Variants in BRD10 observed in about 807,000 individuals in gnomAD.
BRD10 encodes the protein uncharacterized bromodomain-containing protein 10.
the BRD10 span, among the ~76,000 whole-genome samples, chr9:5,971,311 G>C: frequency 1.3e-5 from 2 of 152,098 alleles, no homozygotes; most frequent in Non-Finnish European, 2.9e-5. Context: ...ATACACTGTA[G>C]GCAGTATAAT....
At chr9:5,983,900 G>A in the BRD10 span, among the ~76,000 whole-genome samples, 6 of 147,884 alleles carry the variant, frequency 4.1e-5, no homozygotes, top group Non-Finnish European at 5.9e-5. Flanking sequence ...AGTAAAACAC[G>A]TCATACTTAA....
At chr9:5,955,372 C>T in the BRD10 span, among the ~76,000 whole-genome samples, 51 of 152,244 alleles carry the variant, frequency 3.3e-4, 1 homozygote, top group East Asian at 8.3e-3. Context: ...CTAAAATCCA[C>T]TTAAATGTCA....
the BRD10 span, chr9:5,921,947 T>C: frequency 6.2e-7 from 1 of 1,613,938 alleles, no homozygotes; most frequent in Admixed American, 1.7e-5. Flanking sequence ...AGTTGGTGTT[T>C]GGCTAAAAGG....
At chr9:5,944,195 A>G in the BRD10 span, among the ~76,000 whole-genome samples, 1 of 152,172 alleles carries the variant, frequency 6.6e-6, no homozygotes, top group African/African-American at 2.4e-5. Flanking sequence ...TTGTGTTTAA[A>G]ATCTGTGCAT....
At chr9:5,925,846 T>A in the BRD10 span, among the ~76,000 whole-genome samples, 2 of 152,216 alleles carry the variant, frequency 1.3e-5, no homozygotes, top group African/African-American at 4.8e-5. Flanking sequence ...AACTAAGTGT[T>A]CTACCTTATC....
At chr9:6,007,160 G>C in the BRD10 span, 15 of 1,589,514 alleles carry the variant, frequency 9.4e-6, no homozygotes, top group Non-Finnish European at 1.3e-5. Context: ...GTTTGTGTCA[G>C]TCTGTCAGTC....
chr9:5,973,743 GTGGTGGCACAGGCCTGTGGTCCCA>G, the BRD10 span, among the ~76,000 whole-genome samples: 1 of 152,092 alleles, frequency 6.6e-6, no homozygotes, highest in Non-Finnish European at 1.5e-5. Context: ...CGGGCCTGGT[GTGGTGGCACAGGCCTGTGGTCCCA>G]GCTATTCAGG....
chr9:5,949,032 TTCTC>T, the BRD10 span, among the ~76,000 whole-genome samples: 6 of 152,158 alleles, frequency 3.9e-5, no homozygotes, highest in African/African-American at 1.4e-4. Flanking sequence ...ACACAGATGT[TTCTC>T]TCAATGAACT....
chr9:5,889,537 A>C, the BRD10 span, among the ~76,000 whole-genome samples: 1 of 152,226 alleles, frequency 6.6e-6, no homozygotes. Context: ...CTGTAATCCC[A>C]GCACTTTGGG....
the BRD10 span, among the ~76,000 whole-genome samples, chr9:5,907,540 T>C: frequency 6.6e-6 from 1 of 152,222 alleles, no homozygotes. Context: ...AAATGGTTCA[T>C]TAATGATTTT....
the BRD10 span, among the ~76,000 whole-genome samples, chr9:5,947,912 C>T: frequency 6.6e-6 from 1 of 152,052 alleles, no homozygotes; most frequent in Non-Finnish European, 1.5e-5. Flanking sequence ...ATTTGAAAAA[C>T]GTATCTGAGG....
At chr9:5,878,888 T>A in the BRD10 span, among the ~76,000 whole-genome samples, 1 of 152,238 alleles carries the variant, frequency 6.6e-6, no homozygotes, top group Admixed American at 6.5e-5. Flanking sequence ...TCCAATCTTA[T>A]CGGACCAATA....
the BRD10 span, among the ~76,000 whole-genome samples, chr9:5,989,367 G>T: frequency 6.7e-6 from 1 of 148,632 alleles, no homozygotes; most frequent in African/African-American, 2.5e-5. Flanking sequence ...GGAGGTTGAG[G>T]CTGCAATGAG....
the BRD10 span, among the ~76,000 whole-genome samples, chr9:5,980,774 T>TA: frequency 1.3e-5 from 2 of 152,214 alleles, no homozygotes; most frequent in Non-Finnish European, 2.9e-5. Flanking sequence ...GTCCATCAGA[T>TA]ACCAGATAAA....
chr9:5,880,950 G>A, the BRD10 span, among the ~76,000 whole-genome samples: 2 of 152,000 alleles, frequency 1.3e-5, no homozygotes, highest in Non-Finnish European at 2.9e-5. Context: ...TGATCCACCC[G>A]CCTCGGCCTC....
chr9:6,000,173 A>G, the BRD10 span, among the ~76,000 whole-genome samples: 1 of 152,122 alleles, frequency 6.6e-6, no homozygotes, highest in Non-Finnish European at 1.5e-5. Context: ...CTTTTTTCAA[A>G]GTGTACATAC....
chr9:5,975,419 A>G, the BRD10 span, among the ~76,000 whole-genome samples: 37 of 148,386 alleles, frequency 2.5e-4, no homozygotes, highest in South Asian at 3.1e-3. Flanking sequence ...AGCATGGGCA[A>G]CAAGAGTGAA....
the BRD10 span, among the ~76,000 whole-genome samples, chr9:5,890,037 GATT>G: frequency 6.6e-6 from 1 of 152,092 alleles, no homozygotes. Flanking sequence ...TCCTTTTCTT[GATT>G]ATGAGAGTCT....
At chr9:6,003,723 G>A in the BRD10 span, among the ~76,000 whole-genome samples, 1 of 152,080 alleles carries the variant, frequency 6.6e-6, no homozygotes, top group Non-Finnish European at 1.5e-5. Flanking sequence ...TGAAAGAGCA[G>A]ACCTGAATTT....
Sources: gnomAD v4.1 joint callset for allele counts (sites outside exome capture counted in the v4.1 genomes callset) on GRCh38, gnomAD v4.1.1 for gene constraint, MANE v1.5 for transcripts, NCBI Gene and HGNC (gene_info 2026-07-23, HGNC 2026-07-21) for gene names.